The following EXOSC7 variants were observed in gnomAD, a reference collection of about 807,000 sequenced individuals.
The protein encoded by EXOSC7 is exosome complex component RRP42.
EXOSC7 carries 25 observed loss-of-function variants against 34.3 expected under a neutral mutation model. That is an observed-to-expected ratio of 0.73 (90% CI 0.53 to 1.02). The LOEUF (loss-of-function observed/expected upper bound fraction) is 1.02, where lower values mean the gene tolerates loss of function less well. Ranked by LOEUF, EXOSC7 falls within the 50% of genes least tolerant of loss-of-function variation. The pLI, the probability that EXOSC7 is intolerant of heterozygous loss-of-function variation, is 0.00. For synonymous variants in EXOSC7, 130 were observed against 143.0 expected (o/e 0.91, Z 0.65); for missense variants, 370 against 368.5 (o/e 1.00, Z -0.03).
intron 3 of EXOSC7, among the ~76,000 whole-genome samples, chr3:44,994,242 CATT>C (rs1309085893): frequency 9.1e-6 from 1 of 109,830 alleles, no homozygotes; most frequent in Non-Finnish European, 1.9e-5. Flanking sequence ...TCATGCTAAA[CATT>C]AAAAAAAAAA....
chr3:44,981,019 C>T (rs1025166349), intron 1 of EXOSC7, among the ~76,000 whole-genome samples: 4 of 152,190 alleles, frequency 2.6e-5, no homozygotes, highest in Admixed American at 2.0e-4. Flanking sequence ...TTGCTAACCT[C>T]CCTCTTAGCC....
rs1706892731 is a variant in EXOSC7 at position 45,001,897 on chromosome 3, C to T, written c.491+289C>T. 6 of 352,392 alleles carry T rather than the reference C, an allele frequency of 1.7e-5. No homozygotes were observed. The South Asian group carries it at 2.2e-4, about 13-fold the overall frequency. 21.8% of individuals were successfully genotyped at this position (352,392 alleles called of 1,614,324 possible). ...CTACAGAGAAGCCAAGAAGAGTAGACACCACCTACAGGCCAACTATCCAAA... is the reference window on the plus strand; with the variant it reads ...CTACAGAGAAGCCAAGAAGAGTAGATACCACCTACAGGCCAACTATCCAAA... On this transcript the variant is annotated intron_variant, in intron 5 of 7. Transcript: ENST00000265564.
chr3:44,989,741 T>C (rs1255655030), intron 3 of EXOSC7, 97 bp downstream of exon 3: 6 of 900,808 alleles, frequency 6.7e-6, no homozygotes, highest in African/African-American at 3.3e-5. Context: ...CCCACTTTTA[T>C]ACTTATCATT....
Position 45,003,838 on chromosome 3 carries a change from C to G in EXOSC7, c.492-1453C>G, listed in dbSNP as rs142153595. On this transcript the variant is annotated intron_variant, in intron 5 of 7. Coordinates refer to ENST00000265564, the MANE Select transcript of EXOSC7 (RefSeq NM_015004.4). ...TACTTGATATAAATGGTATCATATA[C>G]TATGTTCTGTTTTGTGTCTGCCTCA... Among the ~76,000 whole-genome samples the G allele has an allele frequency of 2.5e-3, 385 of 152,254 alleles. 4 individuals carry two copies. Among genetic ancestry groups the G allele is most frequent in the African/African-American group, 8.7e-3 (362 of 41,540 alleles).
intron 3 of EXOSC7, among the ~76,000 whole-genome samples, chr3:44,995,313 A>G (rs1368885811): frequency 2.0e-5 from 3 of 152,194 alleles, no homozygotes; most frequent in African/African-American, 7.2e-5. Flanking sequence ...AGGTAGATTA[A>G]TTTAGACAGT....
intron 7 of EXOSC7, 65 bp downstream of exon 7, chr3:45,007,640 T>A: frequency 6.8e-7 from 1 of 1,463,602 alleles, no homozygotes; most frequent in Non-Finnish European, 9.2e-7. Flanking sequence ...TCCTGCTCCC[T>A]TGGTCATACC....
At chr3:44,995,542 G>C (rs1024092936) in intron 3 of EXOSC7, among the ~76,000 whole-genome samples, 1 of 152,208 alleles carries the variant, frequency 6.6e-6, no homozygotes, top group African/African-American at 2.4e-5. Context: ...TGATTGCTTA[G>C]TGTTTAAATT....
chr3:44,989,376 G>GT (rs1553698994), intron 2 of EXOSC7, 135 bp downstream of exon 2: 3 of 767,904 alleles, frequency 3.9e-6, no homozygotes, highest in Non-Finnish European at 6.4e-6. Context: ...AACTCAGGGA[G>GT]GGGGGGTCTA....
At chr3:44,994,872 TG>T (rs1706677095) in intron 3 of EXOSC7, among the ~76,000 whole-genome samples, 1 of 149,376 alleles carries the variant, frequency 6.7e-6, no homozygotes, top group African/African-American at 2.5e-5. Context: ...TGTGTGTGTG[TG>T]TGTGTGTGTG....
chr3:44,991,878 G>A (rs1576010886), intron 3 of EXOSC7, among the ~76,000 whole-genome samples: 1 of 152,078 alleles, frequency 6.6e-6, no homozygotes, highest in African/African-American at 2.4e-5. Flanking sequence ...AAGATGGACA[G>A]TCTCAAAGTG....
At chr3:45,011,605 G>A (rs779672933), downstream of EXOSC7, 26 of 292,600 alleles carry the variant, frequency 8.9e-5, no homozygotes, top group Middle Eastern at 9.7e-4. Context: ...ACAAGCTGGA[G>A]TAAAGACCTG....
chr3:45,003,387 A>G (rs1706941888), intron 5 of EXOSC7, among the ~76,000 whole-genome samples: 1 of 151,950 alleles, frequency 6.6e-6, no homozygotes, highest in Non-Finnish European at 1.5e-5. Context: ...ATGGTTGACA[A>G]CTTGTTCAAA....
intron 1 of EXOSC7, among the ~76,000 whole-genome samples, chr3:44,988,754 A>T (rs1175508219): frequency 6.6e-6 from 1 of 152,188 alleles, no homozygotes; most frequent in Non-Finnish European, 1.5e-5. Context: ...CTCTGACAAC[A>T]TATACTTCTT....
At chr3:44,986,700 G>T (rs1238988128) in intron 1 of EXOSC7, among the ~76,000 whole-genome samples, 1 of 152,240 alleles carries the variant, frequency 6.6e-6, no homozygotes, top group Non-Finnish European at 1.5e-5. Flanking sequence ...GGAAGGATGG[G>T]CTGCACAGGA....
At chr3:44,980,044 C>G (rs1706233895) in intron 1 of EXOSC7, among the ~76,000 whole-genome samples, 1 of 152,000 alleles carries the variant, frequency 6.6e-6, no homozygotes, top group Non-Finnish European at 1.5e-5. Flanking sequence ...GGGGAGGAAA[C>G]AGTATTACCA....
intron 1 of EXOSC7, among the ~76,000 whole-genome samples, chr3:44,988,682 C>A (rs1322630917): frequency 6.6e-6 from 1 of 152,178 alleles, no homozygotes; most frequent in African/African-American, 2.4e-5. Context: ...ACTATTTACA[C>A]AGTAGATCTT....
chr3:45,009,013 G>C (rs1490840800), intron 7 of EXOSC7, among the ~76,000 whole-genome samples: 1 of 152,224 alleles, frequency 6.6e-6, no homozygotes, highest in African/African-American at 2.4e-5. Context: ...GAGGCACACA[G>C]AGGATAAGCA....
intron 3 of EXOSC7, among the ~76,000 whole-genome samples, 193 bp from the exon 4 acceptor site, chr3:44,996,894 G>A (rs548409104): frequency 6.6e-6 from 1 of 152,368 alleles, no homozygotes; most frequent in Non-Finnish European, 1.5e-5. Context: ...CCAGGTCACA[G>A]TGCTGGTCTG....
At position 44,989,277 on chromosome 3, in the gene EXOSC7, G is replaced by A. The variant is rs1045767396; in HGVS notation, c.159+36G>A. ...TGACCATGGTTCAAGCCCAGGTGGA[G>A]AAATGAGTAGGCCCTAAGGAATGAG... On this transcript the variant is annotated intron_variant, in intron 2 of 7. Transcript: ENST00000265564. 3.5e-6 allele frequency: 5 copies of A among 1,444,312 alleles called. No individual in the cohort carries two copies. In the African/African-American group the frequency reaches 4.2e-5, roughly 12 times the overall value. 89.5% of individuals were successfully genotyped at this position (1,444,312 alleles called of 1,614,324 possible). A position where few individuals can be genotyped will look rare whatever the true frequency, so the allele number is the denominator to read the frequency against.
Sources: allele counts gnomAD v4.1 joint callset (sites outside exome capture counted in the v4.1 genomes callset), GRCh38; gene constraint gnomAD v4.1.1; transcripts MANE v1.5; gene names NCBI Gene and HGNC (gene_info 2026-07-23, HGNC 2026-07-21).